The following COX7B2 variants were observed in gnomAD, a reference collection of about 807,000 sequenced individuals.
COX7B2 encodes cytochrome c oxidase subunit 7B2.
For synonymous variants in COX7B2, 37 were observed against 32.1 expected (o/e 1.15, Z -0.51); for missense variants, 109 against 95.9 (o/e 1.14, Z -0.57).
chr4:46,902,271 G>A (rs1004370982), intron 1 of COX7B2, among the ~76,000 whole-genome samples: 9 of 152,134 alleles, frequency 5.9e-5, no homozygotes, highest in Non-Finnish European at 1.0e-4. Context: ...TTCTAAAGTC[G>A]ACGATCATAT....
intron 2 of COX7B2, among the ~76,000 whole-genome samples, chr4:46,775,147 C>T (rs1717085815): frequency 6.6e-6 from 1 of 151,900 alleles, no homozygotes. Context: ...ATATCATTTG[C>T]CAGTCAGATT....
chr4:46,826,457 A>AT (rs1291795777), intron 2 of COX7B2, among the ~76,000 whole-genome samples: 1 of 152,128 alleles, frequency 6.6e-6, no homozygotes, highest in East Asian at 1.9e-4. Flanking sequence ...GGAAAGTAGT[A>AT]TGGCAATTCC....
intron 1 of COX7B2, among the ~76,000 whole-genome samples, chr4:46,875,477 C>T (rs1213499147): frequency 6.6e-6 from 1 of 152,092 alleles, no homozygotes; most frequent in Non-Finnish European, 1.5e-5. Context: ...CTAATTTTTA[C>T]TGCCTAATGA....
chr4:46,852,627 T>G (rs777430891), intron 1 of COX7B2, among the ~76,000 whole-genome samples: 1 of 152,038 alleles, frequency 6.6e-6, no homozygotes, highest in African/African-American at 2.4e-5. Context: ...TATTCACAAA[T>G]TGACCTATTC....
chr4:46,768,460 G>A (rs942082265), intron 2 of COX7B2, among the ~76,000 whole-genome samples: 1 of 152,140 alleles, frequency 6.6e-6, no homozygotes, highest in Non-Finnish European at 1.5e-5. Context: ...ATGGGAACAG[G>A]ACAGGGGCAT....
intron 1 of COX7B2, among the ~76,000 whole-genome samples, chr4:46,859,967 T>G (rs756727173): frequency 7.2e-5 from 11 of 152,188 alleles, no homozygotes; most frequent in Non-Finnish European, 1.6e-4. Context: ...ACACTGCCGC[T>G]TTAATAAACC....
chr4:46,776,457 A>G (rs1444042478), intron 2 of COX7B2, among the ~76,000 whole-genome samples: 1 of 151,568 alleles, frequency 6.6e-6, no homozygotes, highest in African/African-American at 2.4e-5. Context: ...TGTGCATTAG[A>G]AAGAAAACTC....
At chr4:46,846,281 C>A (rs1359488855) in intron 1 of COX7B2, among the ~76,000 whole-genome samples, 1 of 151,840 alleles carries the variant, frequency 6.6e-6, no homozygotes, top group Admixed American at 6.6e-5. Flanking sequence ...GAAGAGACAG[C>A]GATCTGTGTC....
chr4:46,873,198 C>T (rs1247616630), intron 1 of COX7B2, among the ~76,000 whole-genome samples: 2 of 152,072 alleles, frequency 1.3e-5, no homozygotes, highest in South Asian at 4.1e-4. Flanking sequence ...TATATGTGCC[C>T]ATATTTTCTT....
intron 1 of COX7B2, among the ~76,000 whole-genome samples, chr4:46,868,800 G>A (rs1717820895): frequency 6.6e-6 from 1 of 152,098 alleles, no homozygotes; most frequent in African/African-American, 2.4e-5. Flanking sequence ...TTATGTGGTC[G>A]GTTTTAGAGT....
intron 1 of COX7B2, among the ~76,000 whole-genome samples, chr4:46,894,638 G>T (rs1037579575): frequency 6.6e-5 from 10 of 152,082 alleles, no homozygotes; most frequent in African/African-American, 2.4e-4. Flanking sequence ...ATTGACAAGT[G>T]GGATCTAACT....
At chr4:46,760,704 A>T (rs763030567) in intron 2 of COX7B2, among the ~76,000 whole-genome samples, 2 of 152,122 alleles carry the variant, frequency 1.3e-5, no homozygotes, top group Admixed American at 6.6e-5. Context: ...ACTTATAGTT[A>T]AAAAAGGAAT....
At chr4:46,773,448 C>A (rs187007698) in intron 2 of COX7B2, among the ~76,000 whole-genome samples, 1 of 152,056 alleles carries the variant, frequency 6.6e-6, no homozygotes, top group African/African-American at 2.4e-5. Context: ...TTTCTGAGGC[C>A]CCCCCAGTCA....
chr4:46,815,353 G>C (rs925809761), intron 2 of COX7B2, among the ~76,000 whole-genome samples: 1 of 152,118 alleles, frequency 6.6e-6, no homozygotes, highest in African/African-American at 2.4e-5. Flanking sequence ...AATTGACACA[G>C]AGTTGATTCT....
chr4:46,771,263 C>T (rs1253779701), intron 2 of COX7B2, among the ~76,000 whole-genome samples: 2 of 152,120 alleles, frequency 1.3e-5, no homozygotes, highest in Non-Finnish European at 2.9e-5. Flanking sequence ...TATAATGAGA[C>T]ATTACCTCAG....
At chr4:46,845,915 G>A (rs1249683065) in intron 1 of COX7B2, among the ~76,000 whole-genome samples, 1 of 152,018 alleles carries the variant, frequency 6.6e-6, no homozygotes, top group Non-Finnish European at 1.5e-5. Flanking sequence ...TGGTGTTGAG[G>A]TTCTTTGTGG....
chr4:46,830,053 C>A (rs187672038), intron 2 of COX7B2, among the ~76,000 whole-genome samples: 3 of 152,004 alleles, frequency 2.0e-5, no homozygotes, highest in Admixed American at 2.0e-4. Flanking sequence ...AGGCCGGGCG[C>A]GGTGGCTCAC....
At chr4:46,736,597 G>T (rs1238187017) in intron 2 of COX7B2, among the ~76,000 whole-genome samples, 1 of 152,102 alleles carries the variant, frequency 6.6e-6, no homozygotes, top group Non-Finnish European at 1.5e-5. Flanking sequence ...CAGGGCAATG[G>T]TTCGGTTTCA....
intron 2 of COX7B2, among the ~76,000 whole-genome samples, chr4:46,777,586 G>A (rs1717227613): frequency 6.6e-6 from 1 of 152,052 alleles, no homozygotes; most frequent in South Asian, 2.1e-4. Context: ...GTATAAATGG[G>A]GGAACTTGCC....
Sources: gnomAD v4.1 joint callset for allele counts (sites outside exome capture counted in the v4.1 genomes callset) on GRCh38, gnomAD v4.1.1 for gene constraint, MANE v1.5 for transcripts, NCBI Gene and HGNC (gene_info 2026-07-23, HGNC 2026-07-21) for gene names.